Variants in DACH2 observed in about 807,000 individuals in gnomAD.
The protein encoded by DACH2 is dachshund homolog 2.
Under a neutral mutation model 35.8 loss-of-function variants are expected in DACH2, and 17 were observed. The observed-to-expected ratio is 0.48, with a 90% confidence interval of 0.33 to 0.71. DACH2 has a LOEUF of 0.71. DACH2 is among the 30% of genes least tolerant of loss of function. The probability of loss-of-function intolerance (pLI) is 0.02; values close to 1 mark genes in which losing one functional copy is unlikely to be tolerated. For synonymous variants in DACH2, 195 were observed against 177.3 expected (o/e 1.10, Z -0.79); for missense variants, 469 against 472.7 (o/e 0.99, Z 0.07).
chrX:86,765,697 G>GT (rs2041925172), intron 7 of DACH2, among the ~76,000 whole-genome samples: 4 of 35,211 alleles, frequency 1.1e-4, no homozygotes, highest in Admixed American at 3.7e-4. Flanking sequence ...GTTGTTTTTT[G>GT]GTTTTTTTTT....
At chrX:86,534,886 T>A (rs2038775211) in intron 3 of DACH2, among the ~76,000 whole-genome samples, 1 of 112,049 alleles carries the variant, frequency 8.9e-6, no homozygotes, top group Non-Finnish European at 1.9e-5. Context: ...TAGATTAAAT[T>A]AAATTTATAT....
chrX:86,476,846 G>C (rs753666844), intron 2 of DACH2, among the ~76,000 whole-genome samples: 4 of 110,640 alleles, frequency 3.6e-5, no homozygotes, highest in South Asian at 3.7e-4. Context: ...TGTATATTGT[G>C]TTTTCATTAT....
chrX:86,741,138 C>A (rs921019234), intron 7 of DACH2, among the ~76,000 whole-genome samples: 1 of 111,392 alleles, frequency 9.0e-6, no homozygotes, highest in African/African-American at 3.3e-5. Flanking sequence ...CTCATAATAG[C>A]GATTGCTTTC....
At chrX:86,636,975 A>G (rs2040273888) in intron 3 of DACH2, among the ~76,000 whole-genome samples, 1 of 103,454 alleles carries the variant, frequency 9.7e-6, no homozygotes, top group Admixed American at 1.1e-4. Flanking sequence ...CAAAGTTCAA[A>G]TATCCAGCAT....
intron 2 of DACH2, among the ~76,000 whole-genome samples, chrX:86,418,553 G>C (rs960174891): frequency 8.9e-6 from 1 of 111,751 alleles, no homozygotes; most frequent in Admixed American, 9.5e-5. Flanking sequence ...GCTCTATGTT[G>C]GCCCATTTCA....
intron 3 of DACH2, among the ~76,000 whole-genome samples, chrX:86,586,028 A>G (rs2039566107): frequency 9.0e-6 from 1 of 111,645 alleles, no homozygotes; most frequent in South Asian, 3.7e-4. Context: ...AGATTCCCCC[A>G]ACAATGTATA....
chrX:86,314,756 C>A (rs1213064535), intron 1 of DACH2, among the ~76,000 whole-genome samples: 1 of 112,001 alleles, frequency 8.9e-6, no homozygotes, highest in Admixed American at 9.5e-5. Context: ...TCAGCCACAA[C>A]ATTCCCTTAA....
At chrX:86,544,299 C>T (rs1342306994) in intron 3 of DACH2, among the ~76,000 whole-genome samples, 1 of 110,673 alleles carries the variant, frequency 9.0e-6, no homozygotes, top group African/African-American at 3.3e-5. Flanking sequence ...AGAACCCCTG[C>T]AAAATACTGT....
In DACH2 at chrX:86,391,282, TAAAAAAAAAAAAAAAAAAA is replaced by T. The variant is rs55941702; in HGVS notation, c.527+14442_527+14460del. Among the ~76,000 whole-genome samples the T allele has an allele frequency of 2.0e-3, 42 of 21,432 alleles. 1 individual carries two copies. The highest frequency in any genetic ancestry group is 8.1e-3 in the South Asian group (1 of 123). 18.6% of individuals were successfully genotyped at this position (21,432 alleles called of 115,157 possible). On this transcript the variant is annotated intron_variant, in intron 2 of 11. Coordinates refer to ENST00000373125, the MANE Select transcript of DACH2 (RefSeq NM_053281.3). Reference sequence around the variant, plus strand: ...TGGGTGACAGAGTGAGGCTCTGTCTTAAAAAAAAAAAAAAAAAAAAAAAAAAAAAAAAAAAAAAAAGACT... The same window carrying T: ...TGGGTGACAGAGTGAGGCTCTGTCTTAAAAAAAAAAAAAAAAAAAAAGACT...
intron 5 of DACH2, among the ~76,000 whole-genome samples, chrX:86,702,622 G>A (rs2041156931): frequency 9.0e-6 from 1 of 111,380 alleles, no homozygotes; most frequent in Non-Finnish European, 1.9e-5. Context: ...AAATTCAAAA[G>A]ATTATTTGAG....
chrX:86,527,948 A>AGT (rs2148284596), intron 3 of DACH2, among the ~76,000 whole-genome samples: 1 of 112,113 alleles, frequency 8.9e-6, no homozygotes, highest in Admixed American at 9.5e-5. Flanking sequence ...TTTTGCATTA[A>AGT]AGTAAGTCAT....
intron 3 of DACH2, among the ~76,000 whole-genome samples, chrX:86,546,356 C>CTT (rs1428084949): frequency 1.4e-3 from 95 of 67,971 alleles, no homozygotes; most frequent in Middle Eastern, 7.1e-3. Context: ...TCTTCTTCTT[C>CTT]CTCTTCTTCT....
intron 5 of DACH2, among the ~76,000 whole-genome samples, chrX:86,706,282 G>T (rs1237396629): frequency 1.8e-5 from 2 of 111,163 alleles, no homozygotes; most frequent in Non-Finnish European, 3.8e-5. Context: ...ATTTTAAAAA[G>T]AATGTATTGG....
intron 3 of DACH2, among the ~76,000 whole-genome samples, chrX:86,547,331 T>C (rs1017150592): frequency 1.2e-4 from 13 of 112,119 alleles, no homozygotes; most frequent in Non-Finnish European, 2.4e-4. Context: ...CCAGTGGGAC[T>C]ATTATGTATC....
At chrX:86,792,063 C>G (rs2147324143) in intron 7 of DACH2, among the ~76,000 whole-genome samples, 1 of 111,554 alleles carries the variant, frequency 9.0e-6, no homozygotes, top group South Asian at 3.7e-4. Flanking sequence ...TTGCTTTCTT[C>G]AAAAGGGTGG....
At chrX:86,158,783 ATTTCC>A (rs1262132257) in intron 1 of DACH2, among the ~76,000 whole-genome samples, 1 of 111,331 alleles carries the variant, frequency 9.0e-6, no homozygotes, top group Non-Finnish European at 1.9e-5. Flanking sequence ...TAATCCTTAA[ATTTCC>A]TTTCCTATAT....
At chrX:86,237,982 C>T (rs1012613007) in intron 1 of DACH2, among the ~76,000 whole-genome samples, 4 of 112,140 alleles carry the variant, frequency 3.6e-5, no homozygotes, top group African/African-American at 1.3e-4. Context: ...TCTTATCTCG[C>T]TCAATGTGGT....
At chrX:86,574,687 A>C in intron 3 of DACH2, among the ~76,000 whole-genome samples, 1 of 111,743 alleles carries the variant, frequency 8.9e-6, no homozygotes, top group Non-Finnish European at 1.9e-5. Context: ...TACATGTGAA[A>C]TTTTTGCATT....
rs147531165 is a variant in DACH2 at position 86,171,558 on chromosome X, G to A, written c.488+22450G>A. Among the ~76,000 whole-genome samples, 196 of 111,593 alleles carry A rather than the reference G, an allele frequency of 1.8e-3. 7 individuals are homozygous for A. In the East Asian group the frequency reaches 0.052, roughly 30 times the overall value. The stretch of plus-strand genomic sequence containing the variant: ...GATTGGGGATTCCCCTCTTACTAGG[G>A]CTGGTTTAAATGCGCCCTCTATGGG... On this transcript the variant is annotated intron_variant, in intron 1 of 11. Transcript: ENST00000373125.
Sources: allele counts gnomAD v4.1 joint callset (sites outside exome capture counted in the v4.1 genomes callset), GRCh38; gene constraint gnomAD v4.1.1; transcripts MANE v1.5; gene names NCBI Gene and HGNC (gene_info 2026-07-23, HGNC 2026-07-21).